The following ZFPM2 variants were observed in gnomAD, a reference collection of about 807,000 sequenced individuals.
The protein encoded by ZFPM2 is zinc finger protein, FOG family member 2, also known as zinc finger protein ZFPM2.
In ZFPM2, 20 loss-of-function variants were observed where a neutral mutation model predicts 98.6. That is an observed-to-expected ratio of 0.20 (90% confidence interval 0.14 to 0.29). The LOEUF is 0.29. ZFPM2 is among the 10% of genes least tolerant of loss of function. The pLI is 1.00. For synonymous variants in ZFPM2, 518 were observed against 502.7 expected (o/e 1.03, Z -0.41); for missense variants, 1,310 against 1,388.6 (o/e 0.94, Z 0.90).
intron 1 of ZFPM2, among the ~76,000 whole-genome samples, chr8:105,324,563 A>C (rs1428283109): frequency 2.0e-5 from 3 of 151,728 alleles, no homozygotes; most frequent in Non-Finnish European, 4.4e-5. Flanking sequence ...TAAACCTAAC[A>C]CTCTAGCTAA....
At chr8:105,564,850 C>G (rs911531073) in intron 4 of ZFPM2, among the ~76,000 whole-genome samples, 31 of 152,152 alleles carry the variant, frequency 2.0e-4, no homozygotes, top group African/African-American at 7.0e-4. Flanking sequence ...ACTACTTGAG[C>G]AGTTAAAAGT....
chr8:105,478,532 G>T (rs567976752), intron 3 of ZFPM2, among the ~76,000 whole-genome samples: 47 of 152,218 alleles, frequency 3.1e-4, no homozygotes, highest in African/African-American at 1.1e-3. Flanking sequence ...ATTCCTTCTG[G>T]AAATTATCCG....
At chr8:105,783,014 A>G (rs1238811899) in intron 5 of ZFPM2, among the ~76,000 whole-genome samples, 1 of 87,618 alleles carries the variant, frequency 1.1e-5, no homozygotes, top group Non-Finnish European at 2.6e-5. Context: ...CAGGAACTAA[A>G]TTGTTCAAAA....
intron 1 of ZFPM2, among the ~76,000 whole-genome samples, chr8:105,371,356 G>T (rs1408441891): frequency 2.6e-5 from 4 of 152,276 alleles, no homozygotes; most frequent in East Asian, 3.9e-4. Flanking sequence ...GTTAAAGGAG[G>T]TAGATCTGTA....
chr8:105,784,831 A>T lies in ZFPM2; in HGVS notation c.533-3887A>T, dbSNP rs1159138164. ...ACACTCTGAAAATTTTATTAGCATCAGTAATTGAAGTTACGTTACAATATT... is the reference window on the plus strand; with the variant it reads ...ACACTCTGAAAATTTTATTAGCATCTGTAATTGAAGTTACGTTACAATATT... On this transcript the variant is annotated intron_variant, in intron 5 of 7. Coordinates refer to ENST00000407775, the MANE Select transcript of ZFPM2 (RefSeq NM_012082.4). 8 of 145,840 alleles carry T rather than the reference A, an allele frequency of 5.5e-5. 2 individuals are homozygous for T. The highest frequency in any genetic ancestry group is 2.3e-4 in the African/African-American group (8 of 35,398). 9.0% of individuals were successfully genotyped at this position (145,840 alleles called of 1,614,324 possible).
chr8:105,655,105 T>A (rs2032569144), intron 5 of ZFPM2, among the ~76,000 whole-genome samples: 1 of 152,186 alleles, frequency 6.6e-6, no homozygotes, highest in African/African-American at 2.4e-5. Context: ...AAAATTCTCC[T>A]TGTTGAGTTA....
chr8:105,782,412 C>A (rs1392703957), intron 5 of ZFPM2: 6 of 152,244 alleles, frequency 3.9e-5, no homozygotes, highest in Non-Finnish European at 5.9e-5. Context: ...CATAGTTCAT[C>A]TTTGCATTGA....
At chr8:105,650,002 ATCTGGTCCTGGACT>A (rs1817136483) in intron 5 of ZFPM2, among the ~76,000 whole-genome samples, 3 of 152,076 alleles carry the variant, frequency 2.0e-5, no homozygotes, top group African/African-American at 7.2e-5. Context: ...CTGTGAATCC[ATCTGGTCCTGGACT>A]TTTTTTGGTT....
At chr8:105,576,290 TTCC>T (rs1197359136) in intron 4 of ZFPM2, among the ~76,000 whole-genome samples, 1 of 152,152 alleles carries the variant, frequency 6.6e-6, no homozygotes, top group Non-Finnish European at 1.5e-5. Context: ...TTTTTAACTA[TTCC>T]TCCTACTATT....
At chr8:105,516,598 A>C (rs10955397) in intron 3 of ZFPM2, among the ~76,000 whole-genome samples, 1 of 152,166 alleles carries the variant, frequency 6.6e-6, no homozygotes, top group South Asian at 2.1e-4. Context: ...CTGATGTCTC[A>C]GTCTGTCCTT....
At chr8:105,628,105 A>T (rs551104660) in intron 4 of ZFPM2, among the ~76,000 whole-genome samples, 1 of 152,172 alleles carries the variant, frequency 6.6e-6, no homozygotes, top group Non-Finnish European at 1.5e-5. Flanking sequence ...TAGTTACTTC[A>T]TTCAAAAGCC....
intron 3 of ZFPM2, among the ~76,000 whole-genome samples, chr8:105,471,125 T>TA (rs1812895252): frequency 6.6e-6 from 1 of 152,192 alleles, no homozygotes; most frequent in African/African-American, 2.4e-5. Flanking sequence ...TCATGATTCT[T>TA]ACACTGCGTT....
At chr8:105,470,299 G>A (rs545570506) in intron 3 of ZFPM2, among the ~76,000 whole-genome samples, 1 of 152,232 alleles carries the variant, frequency 6.6e-6, no homozygotes, top group South Asian at 2.1e-4. Context: ...CTGCTGTTTA[G>A]CTAGGTGACC....
chr8:105,674,813 C>G (rs1817658402), intron 5 of ZFPM2, among the ~76,000 whole-genome samples: 1 of 151,960 alleles, frequency 6.6e-6, no homozygotes, highest in South Asian at 2.1e-4. Flanking sequence ...TCATGGGTGC[C>G]TTTACTATGG....
chr8:105,511,062 AGGAATGCTGTC>A (rs1366593906), intron 3 of ZFPM2, among the ~76,000 whole-genome samples: 4 of 152,322 alleles, frequency 2.6e-5, no homozygotes, highest in African/African-American at 9.6e-5. Flanking sequence ...CATAGCACTC[AGGAATGCTGTC>A]TCTGGACCAG....
At chr8:105,499,656 G>T (rs1393906068) in intron 3 of ZFPM2, among the ~76,000 whole-genome samples, 1 of 143,596 alleles carries the variant, frequency 7.0e-6, no homozygotes, top group East Asian at 2.0e-4. Flanking sequence ...ACTCTAAACA[G>T]CTTAAAATTG....
chr8:105,691,353 A>T (rs1306314845), intron 5 of ZFPM2, among the ~76,000 whole-genome samples: 1 of 133,076 alleles, frequency 7.5e-6, no homozygotes, highest in Non-Finnish European at 1.6e-5. Flanking sequence ...GGTTCACGCC[A>T]TTCTCCTGCC....
chr8:105,423,290 T>A (rs1244282740), intron 2 of ZFPM2, among the ~76,000 whole-genome samples: 1 of 152,210 alleles, frequency 6.6e-6, no homozygotes, highest in African/African-American at 2.4e-5. Context: ...CTGGCAATTC[T>A]ATTGGCATTT....
intron 1 of ZFPM2, among the ~76,000 whole-genome samples, chr8:105,329,522 A>G (rs577051222): frequency 2.6e-5 from 4 of 152,010 alleles, no homozygotes; most frequent in Admixed American, 2.0e-4. Context: ...TTTGCAATAT[A>G]TAATGACTTT....
Sources: gnomAD v4.1 joint callset for allele counts (sites outside exome capture counted in the v4.1 genomes callset) on GRCh38, gnomAD v4.1.1 for gene constraint, MANE v1.5 for transcripts, NCBI Gene and HGNC (gene_info 2026-07-23, HGNC 2026-07-21) for gene names.